The following MSTO1 variants were observed in gnomAD, a reference collection of about 807,000 sequenced individuals.
The protein encoded by MSTO1 is misato mitochondrial distribution and morphology regulator 1, also known as protein misato homolog 1.
In MSTO1, 24 loss-of-function variants were observed where a neutral mutation model predicts 55.7. The observed-to-expected ratio is 0.43, with a 90% CI of 0.31 to 0.61. The LOEUF is 0.61. MSTO1 is among the 20% of genes least tolerant of loss of function. The probability of loss-of-function intolerance (pLI) is 0.09; values close to 1 mark genes in which losing one functional copy is unlikely to be tolerated. For synonymous variants in MSTO1, 162 were observed against 252.8 expected (o/e 0.64, Z 3.41); for missense variants, 363 against 625.7 (o/e 0.58, Z 4.48).
the MSTO1 span, among the ~76,000 whole-genome samples, chr1:155,600,602 CAGTG>C: frequency 2.0e-5 from 3 of 151,956 alleles, 1 homozygote; most frequent in South Asian, 4.1e-4. Flanking sequence ...GACTGGAGTG[CAGTG>C]GCACGATCTC....
chr1:155,599,133 G>A, the MSTO1 span, among the ~76,000 whole-genome samples: 4 of 151,730 alleles, frequency 2.6e-5, no homozygotes, highest in Admixed American at 6.6e-5. Context: ...AGCCGTGATC[G>A]CACCACTGCA....
chr1:155,588,893 A>G, the MSTO1 span, among the ~76,000 whole-genome samples: 2 of 152,146 alleles, frequency 1.3e-5, no homozygotes, highest in Non-Finnish European at 2.9e-5. Flanking sequence ...CCCTTCCCTC[A>G]GGCCTATATA....
chr1:155,589,213 G>A, the MSTO1 span, among the ~76,000 whole-genome samples: 2 of 151,856 alleles, frequency 1.3e-5, no homozygotes, highest in East Asian at 3.9e-4. Context: ...TAAGAGAATC[G>A]CTTGAACCCA....
chr1:155,566,201 C>T, the MSTO1 span: 1 of 152,178 alleles, frequency 6.6e-6, no homozygotes, highest in African/African-American at 2.4e-5. Context: ...CTGAACGCTC[C>T]AACAGTGCCT....
Position 155,612,559 on chromosome 1 carries a change from C to A in MSTO1, c.955C>A (p.Leu319Met), listed in dbSNP as rs778583026. ...RPEPPVSFPY[L>M]HYDATLPFHC... ...CGAGCCACCTGTCAGCTTCCCTTACCTGCATTATGATGTAAGTCTCGGTGC... is the reference window on the plus strand; with the variant it reads ...CGAGCCACCTGTCAGCTTCCCTTACATGCATTATGATGTAAGTCTCGGTGC... Residue 319 changes from leucine to methionine, a missense_variant, in exon 9 of 14, where the codon CTG (leucine) becomes ATG (methionine). Around this residue, in one of 3 missense-constraint regions of MSTO1, gnomAD observed 231 missense variants for 286.9 expected, o/e 0.81. Coordinates refer to ENST00000245564, the MANE Select transcript of MSTO1 (RefSeq NM_018116.4). The A allele has an allele frequency of 6.2e-7, 1 of 1,611,390 alleles. No individual in the cohort carries two copies. Among genetic ancestry groups the A allele is most frequent in the Non-Finnish European group, 8.5e-7 (1 of 1,179,432 alleles).
chr1:155,606,159 G>A (rs1267759442), upstream of MSTO1, among the ~76,000 whole-genome samples: 9 of 139,258 alleles, frequency 6.5e-5, no homozygotes, highest in East Asian at 4.4e-4. Flanking sequence ...TCAGCCTCCC[G>A]AGTAGCTGGG....
upstream of MSTO1, chr1:155,609,710 A>T (rs547867360): frequency 1.9e-5 from 3 of 157,330 alleles, no homozygotes; most frequent in South Asian, 5.6e-4. Flanking sequence ...GGTGTTAGAT[A>T]CACAGAGATA....
the MSTO1 span, among the ~76,000 whole-genome samples, chr1:155,565,043 C>T: frequency 1.3e-5 from 2 of 152,030 alleles, no homozygotes; most frequent in African/African-American, 4.8e-5. Flanking sequence ...ATTGCTTGAA[C>T]CCGGGAGGCA....
the MSTO1 span, among the ~76,000 whole-genome samples, chr1:155,568,944 C>T: frequency 1.5e-4 from 22 of 151,146 alleles, no homozygotes; most frequent in Non-Finnish European, 2.2e-4. Flanking sequence ...CTGCATCTCC[C>T]GGGTTCAAGT....
upstream of MSTO1, among the ~76,000 whole-genome samples, chr1:155,608,496 C>CTTTTTT (rs769788957): frequency 2.3e-5 from 3 of 132,780 alleles, no homozygotes; most frequent in African/African-American, 5.9e-5. Context: ...TGCCTTATCT[C>CTTTTTT]TTTTTTTTTT....
At chr1:155,576,168 T>G in the MSTO1 span, among the ~76,000 whole-genome samples, 1 of 152,040 alleles carries the variant, frequency 6.6e-6, no homozygotes, top group Admixed American at 6.6e-5. Context: ...GTAAATGTTC[T>G]TTATATATTA....
At chr1:155,610,144 A>G (rs1673496189), upstream of MSTO1, 5 of 1,079,120 alleles carry the variant, frequency 4.6e-6, no homozygotes, top group East Asian at 9.6e-5. Context: ...TTTGCGGGCC[A>G]ATAAGTAGCC....
At chr1:155,571,717 T>C in the MSTO1 span, among the ~76,000 whole-genome samples, 1 of 152,174 alleles carries the variant, frequency 6.6e-6, no homozygotes, top group East Asian at 1.9e-4. Flanking sequence ...GCATAAGGAA[T>C]TCTGCTTTTT....
chr1:155,577,407 C>T, the MSTO1 span, among the ~76,000 whole-genome samples: 1 of 152,226 alleles, frequency 6.6e-6, no homozygotes, highest in East Asian at 1.9e-4. Context: ...AAGTTTTATA[C>T]CTGTAGCTCT....
At chr1:155,590,965 G>A in the MSTO1 span, 1 of 1,613,824 alleles carries the variant, frequency 6.2e-7, no homozygotes. Flanking sequence ...CTTGGCCCCA[G>A]CAAGGTAGAC....
At chr1:155,603,041 T>C in the MSTO1 span, among the ~76,000 whole-genome samples, 1 of 151,962 alleles carries the variant, frequency 6.6e-6, no homozygotes, top group Non-Finnish European at 1.5e-5. Flanking sequence ...TGTATGTTTT[T>C]TCAAGGCTCC....
the MSTO1 span, among the ~76,000 whole-genome samples, chr1:155,597,658 C>T: frequency 6.6e-6 from 1 of 151,036 alleles, no homozygotes; most frequent in South Asian, 2.1e-4. Flanking sequence ...TACAGATATG[C>T]GCCACCACGC....
At chr1:155,577,246 G>A in the MSTO1 span, among the ~76,000 whole-genome samples, 3 of 151,224 alleles carry the variant, frequency 2.0e-5, no homozygotes, top group East Asian at 2.0e-4. Flanking sequence ...CTGCCACCAC[G>A]CCCGGCTAAT....
the MSTO1 span, among the ~76,000 whole-genome samples, chr1:155,603,350 T>G: frequency 1.3e-5 from 2 of 151,648 alleles, no homozygotes; most frequent in Admixed American, 6.6e-5. Context: ...TGAGCTGAGA[T>G]CACACCACTT....
Sources: allele counts gnomAD v4.1 joint callset (sites outside exome capture counted in the v4.1 genomes callset), GRCh38; gene constraint gnomAD v4.1.1; regional missense constraint gnomAD v4.1.1; transcripts MANE v1.5; gene names NCBI Gene and HGNC (gene_info 2026-07-23, HGNC 2026-07-21).